Variants in ZFYVE26 observed in about 807,000 individuals in gnomAD.
ZFYVE26 encodes zinc finger FYVE domain-containing protein 26.
A neutral mutation model predicts 276.5 loss-of-function variants in ZFYVE26; 181 were observed. The ratio of observed to expected loss-of-function variants is 0.65; its 90% CI spans 0.58 to 0.74. The LOEUF (loss-of-function observed/expected upper bound fraction) is 0.74, where lower values mean the gene tolerates loss of function less well. Ranked by LOEUF, ZFYVE26 falls within the 30% of genes least tolerant of loss-of-function variation. ZFYVE26 has a pLI of 0.00. For missense variants in ZFYVE26, 2,821 were observed against 3,097.9 expected (o/e 0.91, Z 2.12); for synonymous variants, 1,129 against 1,203.1 (o/e 0.94, Z 1.27).
At chr14:67,742,831 TCTTC>T (rs1566856373), downstream of ZFYVE26, among the ~76,000 whole-genome samples, 855 of 19,392 alleles carry the variant, frequency 0.044, 18 homozygotes, top group African/African-American at 0.073. Context: ...TCTTCTTTCT[TCTTC>T]TTCTTTTTTT....
chr14:67,775,198 T>C, intron 26 of ZFYVE26, 84 bp from the exon 27 acceptor site: 1 of 910,582 alleles, frequency 1.1e-6, no homozygotes, highest in Non-Finnish European at 1.7e-6. Flanking sequence ...AACAAAGCTC[T>C]GTTGGCTTCT....
intron 18 of ZFYVE26, among the ~76,000 whole-genome samples, 185 bp from the exon 19 acceptor site, chr14:67,785,462 A>T (rs1594916574): frequency 1.3e-5 from 2 of 152,206 alleles, no homozygotes; most frequent in East Asian, 3.9e-4. Flanking sequence ...AGTGATTCCC[A>T]GCCAGGGAAA....
At chr14:67,775,222 C>A in intron 26 of ZFYVE26, 108 bp from the exon 27 acceptor site, 2 of 719,904 alleles carry the variant, frequency 2.8e-6, no homozygotes, top group Non-Finnish European at 4.6e-6. Context: ...ATTGTCATTC[C>A]ATGACTCTAC....
chr14:67,802,091 G>A lies in ZFYVE26; in HGVS notation c.1627C>T (p.Leu543Phe). The A allele has an allele frequency of 6.2e-7, 1 of 1,613,024 alleles. No individual in the cohort carries two copies. The highest frequency in any genetic ancestry group is 8.5e-7 in the Non-Finnish European group (1 of 1,180,026). The change falls in exon 10 of 42, where the codon CTC (leucine) becomes TTC (phenylalanine). Residue 543 changes from leucine (L) to phenylalanine (F), a missense_variant. Leu to Phe is a conservative substitution (Grantham distance 22, BLOSUM62 0). Transcript: ENST00000347230. ...GGAAGTGCTGTACCTGGGGAGGAGA[G>A]AGAGTCATTCGCTGGCTCTGTAGCT... ...ASATEPANDS[L>F]SSPGAANLFS...
chr14:67,793,255 T>TCAAA (rs112741778), intron 14 of ZFYVE26, among the ~76,000 whole-genome samples: 53,723 of 151,186 alleles, frequency 0.36, 10,043 homozygotes, highest in Middle Eastern at 0.5. Flanking sequence ...AGACTCTGTC[T>TCAAA]CAAACAAACA....
intron 10 of ZFYVE26, chr14:67,798,954 C>A (rs867337317): frequency 2.7e-6 from 3 of 1,131,620 alleles, no homozygotes; most frequent in Non-Finnish European, 4.0e-6. Flanking sequence ...TTTCTCGCGC[C>A]GCGGTTTCGG....
intron 21 of ZFYVE26, among the ~76,000 whole-genome samples, chr14:67,782,460 G>A (rs2039525753): frequency 6.6e-6 from 1 of 152,166 alleles, no homozygotes; most frequent in African/African-American, 2.4e-5. Context: ...ACTTGCCTGA[G>A]CTCTATCCTG....
In ZFYVE26 at chr14:67,789,516, GTC is replaced by G; in HGVS notation, c.2836_2837del (p.Asp946LeufsTer30). On this transcript the variant is annotated frameshift_variant, in exon 16 of 42. Transcript: ENST00000347230. LOFTEE classifies it high-confidence loss of function. ...CCACTAGAGCCGTGCTTATCCAAAA[GTC>G]CTCCTGGAGCATGGGGATGGGGTCT... Reference protein sequence around the residue: ...SGDPIPMLQEDFWISTALVEP... With the variant: ...SGDPIPMLQEXFWISTALVEP... 6.2e-7 allele frequency: 1 copy of G among 1,614,180 alleles called. No individual in the cohort carries two copies. Among genetic ancestry groups the G allele is most frequent in the Non-Finnish European group, 8.5e-7 (1 of 1,180,036 alleles).
rs894907950 is a variant in ZFYVE26 at position 67,752,338 on chromosome 14, G to T, written c.7371+6C>A. On this transcript the variant is annotated splice_donor_region_variant and intron_variant, in intron 40 of 41. Coordinates refer to ENST00000347230, the MANE Select transcript of ZFYVE26 (RefSeq NM_015346.4). ...GAGGAGCCAAGAGGTACGGGAGGGA[G>T]TGTACCTGGGGCGGAATTCTCTTGA... is the stretch of plus-strand genomic sequence containing the variant. 4 of 1,607,634 alleles carry T rather than the reference G, an allele frequency of 2.5e-6. No homozygotes were observed. Among genetic ancestry groups the T allele is most frequent in the Admixed American group, 3.4e-5 (2 of 59,260 alleles).
rs915986993 is a variant in ZFYVE26 at position 67,806,607 on chromosome 14, C to T, written c.955G>A (p.Ala319Thr). The stretch of plus-strand genomic sequence containing the variant: ...CAGTAGAAATAGGCCACTTTCCAAG[C>T]CTCGGCTGGGTTGGGATTGGAGAAC... ...ALFSNPNPAE[A>T]WKVAYFYCLS... is the part of the protein sequence containing the mutation. The change falls in exon 6 of 42, where the codon GCT becomes ACT. Residue 319 changes from alanine (A) to threonine (T), a missense_variant. Coordinates refer to ENST00000347230, the MANE Select transcript of ZFYVE26 (RefSeq NM_015346.4). 3.1e-6 allele frequency: 5 copies of T among 1,614,198 alleles called. No individual in the cohort carries two copies. Among genetic ancestry groups the T allele is most frequent in the Non-Finnish European group, 4.2e-6 (5 of 1,180,034 alleles).
chr14:67,776,025 G>C lies in ZFYVE26; in HGVS notation c.5056C>G (p.Leu1686Val), dbSNP rs749128237. 12 of 1,614,234 alleles carry C rather than the reference G, an allele frequency of 7.4e-6. 1 individual carries two copies. The South Asian group carries it at 1.3e-4, about 18-fold the overall frequency. Reference protein sequence around the residue: ...SNPLFMLEQLLMNMKVDWATV... With the variant: ...SNPLFMLEQLVMNMKVDWATV... ...GCCCAATCCACCTTCATGTTCATAA[G>C]CAGCTGCTCCAGCATGAACAGGGGG... The change falls in exon 26 of 42, where the codon CTT becomes GTT. Residue 1686 changes from leucine to valine, a missense_variant. Transcript: ENST00000347230.
At position 67,783,052 on chromosome 14, in the gene ZFYVE26, TCAAA is replaced by T. The variant is rs774867891; in HGVS notation, c.4096_4099del (p.Phe1366ArgfsTer23). On this transcript the variant is annotated frameshift_variant, in exon 21 of 42. Coordinates refer to ENST00000347230, the MANE Select transcript of ZFYVE26 (RefSeq NM_015346.4). LOFTEE classifies it high-confidence loss of function. ...CTCCCAGGCAGCCAGGAGGAAGGCC[TCAAA>T]CAGAGGGAATTGTTCCAGAAGGCGC... is the stretch of plus-strand genomic sequence containing the variant. 6 of 1,613,984 alleles carry T rather than the reference TCAAA, an allele frequency of 3.7e-6. No homozygotes were observed. Among genetic ancestry groups the T allele is most frequent in the Non-Finnish European group, 5.1e-6 (6 of 1,180,010 alleles).
chr14:67,757,197 T>C (rs1248789146), intron 35 of ZFYVE26, among the ~76,000 whole-genome samples: 27 of 152,124 alleles, frequency 1.8e-4, no homozygotes, highest in Non-Finnish European at 1.5e-5. Flanking sequence ...CAGCTTCCAT[T>C]CTTACCTCTT....
At position 67,798,862 on chromosome 14, in the gene ZFYVE26, A is replaced by G. The variant is rs7159786; in HGVS notation, c.1640-240T>C. ...GCTGGCCGGGTCCCGCCCCGAGGCC[A>G]ACCGGGCCTCCCCAGCCTTTTGGCC... is the stretch of plus-strand genomic sequence containing the variant. On this transcript the variant is annotated intron_variant, in intron 10 of 41. Coordinates refer to ENST00000347230, the MANE Select transcript of ZFYVE26 (RefSeq NM_015346.4). 16,941 of 863,728 alleles carry G rather than the reference A, an allele frequency of 0.02. 407 individuals carry two copies. Among genetic ancestry groups the G allele is most frequent in the African/African-American group, 0.087 (5,160 of 59,330 alleles). The allele number at this position is 863,728 out of a possible 1,614,324, so 53.5% of individuals were successfully genotyped here.
chr14:67,784,902 A>G (rs1594915788), intron 19 of ZFYVE26, among the ~76,000 whole-genome samples, 157 bp downstream of exon 19: 1 of 152,254 alleles, frequency 6.6e-6, no homozygotes, highest in East Asian at 1.9e-4. Context: ...AAAGATGAGT[A>G]AAATAGCCAG....
intron 13 of ZFYVE26, chr14:67,733,889 C>A: frequency 2.1e-6 from 3 of 1,451,386 alleles, no homozygotes; most frequent in South Asian, 1.1e-5. Flanking sequence ...CAATCCATGC[C>A]ATAATGAACA....
chr14:67,786,552 A>T lies in ZFYVE26; in HGVS notation c.3020-319T>A, dbSNP rs182111843. 2.6e-5 allele frequency among the ~76,000 whole-genome samples: 4 copies of T among 152,344 alleles called. No homozygotes were observed. In the East Asian group the frequency reaches 7.7e-4, roughly 29 times the overall value. On this transcript the variant is annotated intron_variant, in intron 16 of 41. Transcript: ENST00000347230. Reference sequence around the variant, plus strand: ...CTTCAGTTGTACTCAACTTGAGCGGAGATCATATGTCTTCTTTAATTGCTT... The same window carrying T: ...CTTCAGTTGTACTCAACTTGAGCGGTGATCATATGTCTTCTTTAATTGCTT...
intron 10 of ZFYVE26, chr14:67,799,380 A>C: frequency 6.2e-7 from 1 of 1,611,778 alleles, no homozygotes; most frequent in South Asian, 1.1e-5. Flanking sequence ...TCGAAACAAA[A>C]GATGAATGCA....
intron 35 of ZFYVE26, chr14:67,756,427 G>A (rs2038782224): frequency 4.1e-6 from 2 of 486,250 alleles, no homozygotes; most frequent in East Asian, 3.9e-5. Flanking sequence ...ATCTAGCTCT[G>A]CACCCATAAT....
Sources: gnomAD v4.1 joint callset for allele counts (sites outside exome capture counted in the v4.1 genomes callset) on GRCh38, gnomAD v4.1.1 for gene constraint, MANE v1.5 for transcripts, NCBI Gene and HGNC (gene_info 2026-07-23, HGNC 2026-07-21) for gene names.